CFAP69: variants seen among roughly 807,000 people sequenced by gnomAD.
CFAP69 encodes the protein cilia- and flagella-associated protein 69.
CFAP69 carries 92 observed loss-of-function variants against 123.0 expected under a neutral mutation model. The ratio of observed to expected loss-of-function variants is 0.75; its 90% confidence interval spans 0.63 to 0.89. The LOEUF (loss-of-function observed/expected upper bound fraction) is 0.89, where lower values mean the gene tolerates loss of function less well. Among genes scored for constraint, CFAP69 ranks in the 40% least tolerant of loss-of-function variants. The pLI is 0.00. For missense variants in CFAP69, 1,067 were observed against 1,096.9 expected, an observed-to-expected ratio of 0.97 and a Z score of 0.39; for synonymous variants, 380 against 364.3, an observed-to-expected ratio of 1.04 and a Z score of -0.49.
At chr7:90,252,181 A>G (rs1351754335) in intron 1 of CFAP69, among the ~76,000 whole-genome samples, 1 of 151,192 alleles carries the variant, frequency 6.6e-6, no homozygotes, top group Non-Finnish European at 1.5e-5. Flanking sequence ...GTAGGAGGAA[A>G]AGAGAAAAGA....
chr7:90,283,112 G>T, intron 13 of CFAP69, 56 bp downstream of exon 13: 1 of 1,288,150 alleles, frequency 7.8e-7, no homozygotes, highest in Non-Finnish European at 1.0e-6. Flanking sequence ...AATAGTAGTA[G>T]TTTTGTTTGA....
chr7:90,306,558 G>A (rs1049955378), intron 19 of CFAP69, among the ~76,000 whole-genome samples: 13 of 152,240 alleles, frequency 8.5e-5, no homozygotes, highest in African/African-American at 1.7e-4. Flanking sequence ...GGAAAGTAAC[G>A]ATAGTTCAGA....
chr7:90,253,687 G>A (rs957231696), intron 1 of CFAP69, among the ~76,000 whole-genome samples: 5 of 152,068 alleles, frequency 3.3e-5, no homozygotes, highest in South Asian at 2.1e-4. Flanking sequence ...CATCACGGCC[G>A]GCCTTGTTTT....
intron 8 of CFAP69, chr7:90,272,330 TCTTCA>T (rs1466423377): frequency 1.2e-5 from 2 of 161,934 alleles, no homozygotes; most frequent in Non-Finnish European, 2.7e-5. Context: ...TCAAGTTGCT[TCTTCA>T]CTTATTCAAC....
chr7:90,300,443 CT>C, intron 17 of CFAP69: 1 of 837,742 alleles, frequency 1.2e-6, no homozygotes, highest in Non-Finnish European at 1.4e-6. Context: ...TTCATTTTTC[CT>C]TTTTCTAAAT....
chr7:90,321,504 G>T, the CFAP69 span, among the ~76,000 whole-genome samples: 5 of 152,186 alleles, frequency 3.3e-5, no homozygotes, highest in African/African-American at 9.7e-5. Context: ...TATGCCAAAG[G>T]CTCAGGGTCT....
chr7:90,278,393 G>T (rs888694502), intron 11 of CFAP69, among the ~76,000 whole-genome samples: 2 of 152,024 alleles, frequency 1.3e-5, no homozygotes, highest in African/African-American at 4.8e-5. Flanking sequence ...CTCAGGAAAA[G>T]AAAAGTTGTC....
Position 90,288,244 on chromosome 7 carries a change from G to A in CFAP69, c.1667G>A (p.Gly556Glu), listed in dbSNP as rs750160065. 47 of 1,605,116 alleles carry A rather than the reference G, an allele frequency of 2.9e-5. No homozygotes were observed. Among genetic ancestry groups the A allele is most frequent in the Non-Finnish European group, 1.2e-5 (14 of 1,173,968 alleles). Residue 556 changes from glycine (G) to glutamate (E), a missense_variant, in exon 15 of 23, where the codon GGA (glycine) becomes GAA (glutamate). Gly to Glu is a moderately conservative substitution (Grantham distance 98). Coordinates refer to ENST00000389297, the MANE Select transcript of CFAP69 (RefSeq NM_001039706.3). ...ENHIQRKEIF[G>E]TEGVDIVLHV... is the part of the protein sequence containing the mutation. ...AAATATCTTAAACAGGAAATTTTCG[G>A]AACTGAAGGAGTAGATATCGTTCTT... is the stretch of plus-strand genomic sequence containing the variant.
chr7:90,308,420 C>T (rs1034602629), intron 21 of CFAP69, among the ~76,000 whole-genome samples: 1 of 152,108 alleles, frequency 6.6e-6, no homozygotes, highest in African/African-American at 2.4e-5. Flanking sequence ...CCATGGATTT[C>T]CAGAATTTCA....
intron 15 of CFAP69, among the ~76,000 whole-genome samples, chr7:90,292,577 G>A (rs1477321227): frequency 6.6e-6 from 1 of 152,042 alleles, no homozygotes; most frequent in African/African-American, 2.4e-5. Context: ...GAACACTCAC[G>A]AATAGTTGTC....
rs11563920 is a variant in CFAP69, at chr7:90,255,171, G to A, written c.121-252G>A. ...GTACTATTATTCTAAATATTTTCTT[G>A]GGCCCTTCAGGGCTGATGAAATTTT... On this transcript the variant is annotated intron_variant, in intron 1 of 22. Transcript: ENST00000389297. 0.14 allele frequency among the ~76,000 whole-genome samples: 21,857 copies of A among 152,032 alleles called. 1,941 individuals carry two copies. Among genetic ancestry groups the A allele is most frequent in the Middle Eastern group, 0.19 (57 of 294 alleles).
intron 12 of CFAP69, among the ~76,000 whole-genome samples, chr7:90,281,882 A>G (rs1480001257): frequency 6.6e-6 from 1 of 152,204 alleles, no homozygotes; most frequent in Non-Finnish European, 1.5e-5. Context: ...AGGTTCATAA[A>G]GAACTCCTAT....
intron 1 of CFAP69, among the ~76,000 whole-genome samples, chr7:90,246,094 G>C (rs180813599): frequency 2.0e-5 from 3 of 152,306 alleles, no homozygotes; most frequent in Non-Finnish European, 4.4e-5. Context: ...TACACGTTGG[G>C]TCGGAGAGAA....
At chr7:90,258,679 T>A (rs1261405511) in intron 3 of CFAP69, among the ~76,000 whole-genome samples, 1 of 152,204 alleles carries the variant, frequency 6.6e-6, no homozygotes, top group Non-Finnish European at 1.5e-5. Context: ...AGGACATAGA[T>A]ATCTTGGGGA....
downstream of CFAP69, among the ~76,000 whole-genome samples, chr7:90,315,980 C>T (rs1323537209): frequency 1.3e-5 from 2 of 151,914 alleles, no homozygotes. Flanking sequence ...TATAATCCCA[C>T]CTACTTGGGA....
intron 3 of CFAP69, among the ~76,000 whole-genome samples, chr7:90,260,475 A>G (rs1295247474): frequency 6.6e-6 from 1 of 152,078 alleles, no homozygotes; most frequent in Non-Finnish European, 1.5e-5. Context: ...GCAGTGAGCT[A>G]TGTTTGTGCC....
At chr7:90,269,158 T>C (rs566789458) in intron 6 of CFAP69, among the ~76,000 whole-genome samples, 1 of 152,032 alleles carries the variant, frequency 6.6e-6, no homozygotes, top group African/African-American at 2.4e-5. Context: ...GAACAGCACC[T>C]AAACTAGAGA....
the CFAP69 span, among the ~76,000 whole-genome samples, chr7:90,321,901 G>A: frequency 3.9e-5 from 6 of 152,130 alleles, no homozygotes; most frequent in African/African-American, 1.4e-4. Context: ...GACTATATAT[G>A]AGTTTAAGTC....
chr7:90,262,161 G>C, intron 4 of CFAP69, 105 bp downstream of exon 4: 2 of 692,210 alleles, frequency 2.9e-6, no homozygotes, highest in Non-Finnish European at 4.6e-6. Context: ...GATTGCTACA[G>C]AACTCAGAAA....
Sources: allele counts gnomAD v4.1 joint callset (sites outside exome capture counted in the v4.1 genomes callset), GRCh38; gene constraint gnomAD v4.1.1; transcripts MANE v1.5; gene names NCBI Gene and HGNC (gene_info 2026-07-23, HGNC 2026-07-21).